The following RECK variants were observed in gnomAD, a reference collection of about 807,000 sequenced individuals.
RECK encodes the protein reversion inducing cysteine rich protein with kazal motifs, also known as reversion-inducing cysteine-rich protein with Kazal motifs.
A neutral mutation model predicts 115.1 loss-of-function variants in RECK; 69 were observed. The ratio of observed to expected loss-of-function variants is 0.60; its 90% CI spans 0.49 to 0.73. The LOEUF (loss-of-function observed/expected upper bound fraction) is 0.73. RECK is among the 30% of genes least tolerant of loss of function. The pLI is 0.00. For missense variants in RECK, 1,047 were observed against 1,203.7 expected, an observed-to-expected ratio of 0.87 and a Z score of 1.93; for synonymous variants, 414 against 419.7, an observed-to-expected ratio of 0.99 and a Z score of 0.17.
intron 16 of RECK, 38 bp downstream of exon 16, chr9:36,112,514 C>T: frequency 4.4e-6 from 7 of 1,588,252 alleles, no homozygotes; most frequent in Non-Finnish European, 6.0e-6. Flanking sequence ...CAACTGAAGA[C>T]TAGTACTTAC....
intron 6 of RECK, among the ~76,000 whole-genome samples, chr9:36,080,364 GGTTTGCTATAACTGGTCA>G (rs1822637679): frequency 6.6e-6 from 1 of 152,136 alleles, no homozygotes; most frequent in East Asian, 1.9e-4. Context: ...ACATAAACTT[GGTTTGCTATAACTGGTCA>G]GCTTATGGCT....
At chr9:36,100,631 CT>C in intron 11 of RECK, 88 bp downstream of exon 11, 1 of 976,430 alleles carries the variant, frequency 1.0e-6, no homozygotes, top group Non-Finnish European at 1.5e-6. Flanking sequence ...AATTTTCTCT[CT>C]TACCACTTCC....
rs972800551 is a variant in RECK at position 36,079,147 on chromosome 9, G to A, written c.406-1458G>A. 3.3e-5 allele frequency among the ~76,000 whole-genome samples: 5 copies of A among 152,156 alleles called. No individual in the cohort carries two copies. The East Asian group carries it at 7.7e-4, about 24-fold the overall frequency. ...CGACCTCAGGTGATCCTCCCACCTC[G>A]GCCTCCCAAAGTGCTGGGATTACAG... is the stretch of plus-strand genomic sequence containing the variant. On this transcript the variant is annotated intron_variant, in intron 6 of 20. Coordinates refer to ENST00000377966, the MANE Select transcript of RECK (RefSeq NM_021111.3).
chr9:36,039,655 G>T (rs776229586), intron 1 of RECK, among the ~76,000 whole-genome samples: 6 of 152,184 alleles, frequency 3.9e-5, no homozygotes, highest in Non-Finnish European at 8.8e-5. Flanking sequence ...TTTTATTTAA[G>T]TTGCTTTGTA....
At position 36,112,813 on chromosome 9, in the gene RECK, C is replaced by A. The variant is rs181224881; in HGVS notation, c.2060+337C>A. 1.7e-3 allele frequency among the ~76,000 whole-genome samples: 265 copies of A among 152,292 alleles called. 1 individual carries two copies. The highest frequency in any genetic ancestry group is 2.8e-3 in the Non-Finnish European group (189 of 68,028). On this transcript the variant is annotated intron_variant, in intron 16 of 20. Transcript: ENST00000377966. ...GTAGTGAAGGCAGACTAACAAGAGTCATGGCTGCTGGAAATGTTATCTCCG... is the reference window on the plus strand; with the variant it reads ...GTAGTGAAGGCAGACTAACAAGAGTAATGGCTGCTGGAAATGTTATCTCCG...
chr9:36,048,477 C>A (rs369061070), intron 1 of RECK, among the ~76,000 whole-genome samples: 1 of 152,022 alleles, frequency 6.6e-6, no homozygotes, highest in African/African-American at 2.4e-5. Flanking sequence ...ATAGTTGTTT[C>A]CTTTCTCTAT....
intron 16 of RECK, among the ~76,000 whole-genome samples, chr9:36,114,565 G>T (rs1372848486): frequency 6.6e-6 from 1 of 152,092 alleles, no homozygotes. Flanking sequence ...ATATCTGTAG[G>T]GATAAATAAG....
At chr9:36,089,825 A>G (rs963529731) in intron 9 of RECK, among the ~76,000 whole-genome samples, 19 of 152,302 alleles carry the variant, frequency 1.2e-4, no homozygotes, top group African/African-American at 4.6e-4. Flanking sequence ...CAGATGAGGG[A>G]TACCCAACCT....
At chr9:36,122,681 CT>C in intron 20 of RECK, 142 bp from the exon 21 acceptor site, 2 of 625,886 alleles carry the variant, frequency 3.2e-6, no homozygotes, top group Non-Finnish European at 5.7e-6. Context: ...TAAAATGTTA[CT>C]TTGGATAAGA....
At chr9:36,112,569 T>A in intron 16 of RECK, 93 bp downstream of exon 16, 1 of 1,332,936 alleles carries the variant, frequency 7.5e-7, no homozygotes, top group Non-Finnish European at 1.0e-6. Flanking sequence ...AAAGGTAAAT[T>A]AAGAAATCGC....
Position 36,117,059 on chromosome 9 carries a change from G to A in RECK, c.2135G>A (p.Arg712Lys). ...TGTAGCCAGTATGAGTGTGTACCAA[G>A]ACAGCTCGCGTGTGACCAGGTCCAA... is the stretch of plus-strand genomic sequence containing the variant. ...FGCSQYECVP[R>K]QLACDQVQDP... The change falls in exon 17 of 21, where the codon AGA (arginine) becomes AAA (lysine). Residue 712 changes from arginine (R) to lysine (K), a missense_variant. Coordinates refer to ENST00000377966, the MANE Select transcript of RECK (RefSeq NM_021111.3). The A allele has an allele frequency of 6.2e-7, 1 of 1,614,118 alleles. No individual in the cohort carries two copies. The highest frequency in any genetic ancestry group is 8.5e-7 in the Non-Finnish European group (1 of 1,179,988).
chr9:36,090,459 A>G (rs1042532094), intron 9 of RECK, among the ~76,000 whole-genome samples: 31 of 152,184 alleles, frequency 2.0e-4, no homozygotes, highest in Admixed American at 1.8e-3. Flanking sequence ...TTTTACTTAT[A>G]ATTTTGTATA....
At chr9:36,118,314 G>A (rs1824338617) in intron 17 of RECK, among the ~76,000 whole-genome samples, 1 of 152,072 alleles carries the variant, frequency 6.6e-6, no homozygotes, top group South Asian at 2.1e-4. Context: ...TGGCTCCAGA[G>A]TCTGTCTACC....
chr9:36,087,843 T>G lies in RECK; in HGVS notation c.787T>G (p.Cys263Gly). 1.9e-6 allele frequency: 3 copies of G among 1,614,022 alleles called. No individual in the cohort carries two copies. Among genetic ancestry groups the G allele is most frequent in the Non-Finnish European group, 2.5e-6 (3 of 1,179,940 alleles). Residue 263 changes from cysteine (C) to glycine (G), a missense_variant, in exon 9 of 21, where the codon TGT becomes GGT. Physicochemically the swap from Cys to Gly is radical, Grantham distance 159. Transcript: ENST00000377966. ...QPLPQDPLWQ[C>G]FLESSQSVHP... Reference sequence around the variant, plus strand: ...CTTGCCTCAAGATCCTCTTTGGCAATGTTTTCTTGAAAGCTCACAATCTGT... The same window carrying G: ...CTTGCCTCAAGATCCTCTTTGGCAAGGTTTTCTTGAAAGCTCACAATCTGT...
At chr9:36,051,596 C>T (rs76990145) in intron 1 of RECK, among the ~76,000 whole-genome samples, 1,855 of 152,290 alleles carry the variant, frequency 0.012, 31 homozygotes, top group African/African-American at 0.042. Flanking sequence ...GCCACTCTCA[C>T]GGTTAACCTG....
rs1824506351 is a variant in RECK at position 36,122,737 on chromosome 9, CT to C, written c.2695-83del. On this transcript the variant is annotated intron_variant, in intron 20 of 20. Transcript: ENST00000377966. ...GTAAATGCCCTCTGAGGCCACGCTA[CT>C]TTTAGGATATACGTGGAATTTGTCT... 35 of 1,056,488 alleles carry C rather than the reference CT, an allele frequency of 3.3e-5. No homozygotes were observed. The Middle Eastern group carries it at 8.4e-4, about 25-fold the overall frequency. The allele number at this position is 1,056,488 out of a possible 1,614,324, so 65.4% of individuals were successfully genotyped here. A position where few individuals can be genotyped will look rare whatever the true frequency, so the allele number is the denominator to read the frequency against.
At position 36,088,052 on chromosome 9, in the gene RECK, C is replaced by T. The variant is rs1255941371; in HGVS notation, c.905+91C>T. The T allele has an allele frequency of 1.6e-5, 15 of 917,178 alleles. No homozygotes were observed. The South Asian group carries it at 1.7e-4, about 11-fold the overall frequency. The allele number at this position is 917,178 out of a possible 1,614,324, so 56.8% of individuals were successfully genotyped here. On this transcript the variant is annotated intron_variant, in intron 9 of 20. Transcript: ENST00000377966. ...CTAGCAAACGTGTGTTATATTCTTACGTGGTATAGGTTTAGCATTTAGAAA... is the reference window on the plus strand; with the variant it reads ...CTAGCAAACGTGTGTTATATTCTTATGTGGTATAGGTTTAGCATTTAGAAA...
rs749984201 is a variant in RECK, at chr9:36,117,155, T to C, written c.2231T>C (p.Leu744Pro). 1 of 1,612,074 alleles carries C rather than the reference T, an allele frequency of 6.2e-7. No individual in the cohort carries two copies. The highest frequency in any genetic ancestry group is 8.5e-7 in the Non-Finnish European group (1 of 1,178,716). Residue 744 changes from leucine to proline, a missense_variant, in exon 17 of 21, where the codon CTC becomes CCC. Leu to Pro is a moderately conservative substitution (Grantham distance 98). Coordinates refer to ENST00000377966, the MANE Select transcript of RECK (RefSeq NM_021111.3). ...ACTTTATACCAAAGAGGAAAAAGCC[T>C]CTCTTACAAAGGTCCCTGCCAGGTA... is the stretch of plus-strand genomic sequence containing the variant. ...LCTLYQRGKS[L>P]SYKGPCQPFC...
At chr9:36,086,592 G>A (rs563820656) in intron 8 of RECK, among the ~76,000 whole-genome samples, 10 of 152,100 alleles carry the variant, frequency 6.6e-5, no homozygotes, top group Non-Finnish European at 1.3e-4. Context: ...CTGCTGGCTC[G>A]GGTGGCCAGC....
Sources: gnomAD v4.1 joint callset for allele counts (sites outside exome capture counted in the v4.1 genomes callset) on GRCh38, gnomAD v4.1.1 for gene constraint, MANE v1.5 for transcripts, NCBI Gene and HGNC (gene_info 2026-07-23, HGNC 2026-07-21) for gene names.